The following ERBB4 variants were observed in gnomAD, a reference collection of about 807,000 sequenced individuals.
The protein encoded by ERBB4 is erb-b2 receptor tyrosine kinase 4.
ERBB4 carries 42 observed loss-of-function variants against 158.0 expected under a neutral mutation model. The ratio of observed to expected loss-of-function variants is 0.27; its 90% CI spans 0.21 to 0.34. ERBB4 has a LOEUF of 0.34. Ranked by LOEUF, ERBB4 falls within the 10% of genes least tolerant of loss-of-function variation. ERBB4 has a pLI of 1.00. For missense variants in ERBB4, 1,333 were observed against 1,624.1 expected, an observed-to-expected ratio of 0.82 and a Z score of 3.08; for synonymous variants, 583 against 558.7, an observed-to-expected ratio of 1.04 and a Z score of -0.61.
At chr2:212,014,119 A>C (rs1425530221) in intron 2 of ERBB4, among the ~76,000 whole-genome samples, 3 of 152,224 alleles carry the variant, frequency 2.0e-5, no homozygotes, top group African/African-American at 7.2e-5. Flanking sequence ...CAGCGTTGTC[A>C]CTGTGCATGC....
At chr2:211,512,898 T>C (rs2065916755) in intron 20 of ERBB4, among the ~76,000 whole-genome samples, 3 of 152,126 alleles carry the variant, frequency 2.0e-5, no homozygotes, top group African/African-American at 7.2e-5. Context: ...GTTCTGAGAA[T>C]ATGCTTAAAT....
intron 3 of ERBB4, among the ~76,000 whole-genome samples, chr2:211,912,589 A>G (rs185662581): frequency 1.1e-3 from 175 of 152,328 alleles, no homozygotes; most frequent in Non-Finnish European, 7.6e-4. Context: ...TATAACTCTC[A>G]GGTTTGTATT....
chr2:212,261,214 T>C (rs1330568113), intron 1 of ERBB4, among the ~76,000 whole-genome samples: 1 of 152,232 alleles, frequency 6.6e-6, no homozygotes, highest in African/African-American at 2.4e-5. Flanking sequence ...AAGATACTGT[T>C]TGATTATATA....
At chr2:211,860,051 A>G (rs1272696252) in intron 3 of ERBB4, among the ~76,000 whole-genome samples, 4 of 152,202 alleles carry the variant, frequency 2.6e-5, no homozygotes, top group Admixed American at 1.3e-4. Context: ...TTATACGCCA[A>G]AACATCTCTT....
intron 3 of ERBB4, among the ~76,000 whole-genome samples, chr2:211,920,626 T>C (rs1457833863): frequency 2.0e-5 from 3 of 151,922 alleles, no homozygotes; most frequent in Non-Finnish European, 2.9e-5. Flanking sequence ...CCCATCTGTA[T>C]GTGGTAAGCC....
At chr2:211,795,759 A>G (rs1159823270) in intron 3 of ERBB4, among the ~76,000 whole-genome samples, 3 of 151,846 alleles carry the variant, frequency 2.0e-5, no homozygotes, top group Non-Finnish European at 2.9e-5. Flanking sequence ...GCACAATTAT[A>G]CTTGTATCTC....
chr2:211,651,691 G>A (rs2070991708), intron 16 of ERBB4, among the ~76,000 whole-genome samples: 1 of 151,838 alleles, frequency 6.6e-6, no homozygotes, highest in African/African-American at 2.4e-5. Context: ...TTTTGAAGAT[G>A]GTGGGGGTGG....
intron 7 of ERBB4, among the ~76,000 whole-genome samples, chr2:211,716,655 G>A (rs901178747): frequency 1.3e-5 from 2 of 151,520 alleles, no homozygotes; most frequent in Non-Finnish European, 2.9e-5. Context: ...CGGCCTGGGC[G>A]ACAGAGCGAG....
intron 3 of ERBB4, among the ~76,000 whole-genome samples, chr2:211,848,010 G>A (rs2077630542): frequency 6.6e-6 from 1 of 152,022 alleles, no homozygotes; most frequent in East Asian, 1.9e-4. Context: ...GACAGAGCGG[G>A]GCTTCAAACC....
chr2:211,573,088 G>T (rs911676058), intron 19 of ERBB4, among the ~76,000 whole-genome samples: 5 of 152,160 alleles, frequency 3.3e-5, no homozygotes, highest in African/African-American at 1.2e-4. Flanking sequence ...GATCTTCCTT[G>T]ATTATTCAGG....
intron 3 of ERBB4, among the ~76,000 whole-genome samples, chr2:211,881,051 C>T (rs758402684): frequency 7.2e-5 from 11 of 152,156 alleles, no homozygotes; most frequent in Admixed American, 1.3e-4. Flanking sequence ...CAGCTGCACA[C>T]AAGACCAGAG....
intron 1 of ERBB4, among the ~76,000 whole-genome samples, chr2:212,193,896 G>C (rs888875721): frequency 6.6e-6 from 1 of 152,012 alleles, no homozygotes; most frequent in African/African-American, 2.4e-5. Context: ...ACTGTTGAGT[G>C]TGTAGTTTAT....
In ERBB4 at chr2:211,913,617, ATATGTGTG is replaced by A. The variant is rs1412357782; in HGVS notation, c.421+33805_421+33812del. On this transcript the variant is annotated intron_variant, in intron 3 of 27. Coordinates refer to ENST00000342788, the MANE Select transcript of ERBB4 (RefSeq NM_005235.3). ...CTCTATTTCAAAAAAATATATATAT[ATATGTGTG>A]TGTGTGTGTGTGTGTGTGTGTGTGT... Among the ~76,000 whole-genome samples the A allele has an allele frequency of 4.2e-5, 5 of 118,496 alleles. No individual in the cohort carries two copies. In the South Asian group the frequency reaches 1.3e-3, roughly 32 times the overall value. The allele number at this position is 118,496 out of a possible 152,430, so 77.7% of individuals were successfully genotyped here.
chr2:212,220,298 T>TA (rs2083253103), intron 1 of ERBB4, among the ~76,000 whole-genome samples: 1 of 151,418 alleles, frequency 6.6e-6, no homozygotes, highest in African/African-American at 2.4e-5. Context: ...ACAAATTACT[T>TA]AATGTCACAG....
At chr2:211,565,335 G>A (rs2067516096) in intron 19 of ERBB4, among the ~76,000 whole-genome samples, 1 of 152,122 alleles carries the variant, frequency 6.6e-6, no homozygotes, top group South Asian at 2.1e-4. Flanking sequence ...TGATGGGAAT[G>A]GAGTGAAAGG....
At chr2:212,319,692 A>T (rs946101057) in intron 1 of ERBB4, among the ~76,000 whole-genome samples, 1 of 150,394 alleles carries the variant, frequency 6.6e-6, no homozygotes, top group Non-Finnish European at 1.5e-5. Context: ...TTGAGAAGAC[A>T]GAAGCTCCAG....
At chr2:211,900,214 G>A (rs1174080703) in intron 3 of ERBB4, among the ~76,000 whole-genome samples, 5 of 152,040 alleles carry the variant, frequency 3.3e-5, no homozygotes, top group Non-Finnish European at 5.9e-5. Context: ...AACATTAAGC[G>A]GCTCTTGCAT....
Position 212,416,156 on chromosome 2 carries a change from G to A in ERBB4, c.82+122293C>T, listed in dbSNP as rs368793312. 6.0e-4 allele frequency among the ~76,000 whole-genome samples: 91 copies of A among 152,180 alleles called. No individual in the cohort carries two copies. The Middle Eastern group carries it at 0.017, about 28-fold the overall frequency. On this transcript the variant is annotated intron_variant, in intron 1 of 27. Coordinates refer to ENST00000342788, the MANE Select transcript of ERBB4 (RefSeq NM_005235.3). Reference sequence around the variant, plus strand: ...AGAGACATGAGAGGTAGTTACTAAAGCATCTTTCTGTACAAACTAAATCAA... The same window carrying A: ...AGAGACATGAGAGGTAGTTACTAAAACATCTTTCTGTACAAACTAAATCAA...
intron 2 of ERBB4, among the ~76,000 whole-genome samples, chr2:211,956,029 AGTGTGT>A (rs3070122): frequency 0.083 from 12,135 of 146,388 alleles, 706 homozygotes; most frequent in East Asian, 0.26. Context: ...TCATCTCTAA[AGTGTGT>A]GTGTGTGTGT....
Sources: gnomAD v4.1 joint callset for allele counts (sites outside exome capture counted in the v4.1 genomes callset) on GRCh38, gnomAD v4.1.1 for gene constraint, MANE v1.5 for transcripts, NCBI Gene and HGNC (gene_info 2026-07-23, HGNC 2026-07-21) for gene names.